The following NOSTRIN variants were observed in gnomAD, a reference collection of about 807,000 sequenced individuals.
NOSTRIN encodes BM247 homolog.
In NOSTRIN, 63 loss-of-function variants were observed where a neutral mutation model predicts 59.0. The ratio of observed to expected loss-of-function variants is 1.07; its 90% CI spans 0.87 to 1.32. The LOEUF (loss-of-function observed/expected upper bound fraction) is 1.32, where lower values mean the gene tolerates loss of function less well. Ranked by LOEUF, NOSTRIN falls within the 40% of genes most tolerant of loss-of-function variation. The pLI, the probability that NOSTRIN is intolerant of heterozygous loss-of-function variation, is 0.00. For missense variants in NOSTRIN, 512 were observed against 473.1 expected (o/e 1.08, Z -0.76); for synonymous variants, 200 against 165.4 (o/e 1.21, Z -1.61).
chr2:168,860,971 T>C, intron 14 of NOSTRIN, 62 bp downstream of exon 14: 1 of 1,061,944 alleles, frequency 9.4e-7, no homozygotes, highest in Non-Finnish European at 1.5e-6. Context: ...TTGCTACATT[T>C]AAATTTTAGT....
chr2:168,825,045 C>G (rs1007599099), intron 3 of NOSTRIN, among the ~76,000 whole-genome samples: 1 of 152,176 alleles, frequency 6.6e-6, no homozygotes, highest in Non-Finnish European at 1.5e-5. Context: ...ATGTGTGAGC[C>G]ACCACACCCA....
At chr2:168,819,541 C>T (rs971373173) in intron 2 of NOSTRIN, among the ~76,000 whole-genome samples, 2 of 152,112 alleles carry the variant, frequency 1.3e-5, no homozygotes, top group Non-Finnish European at 2.9e-5. Context: ...AGCCGTTCAG[C>T]GCTAGAGGCC....
At chr2:168,841,883 G>A (rs181597971) in intron 7 of NOSTRIN, among the ~76,000 whole-genome samples, 1 of 152,316 alleles carries the variant, frequency 6.6e-6, no homozygotes, top group East Asian at 1.9e-4. Context: ...GGACATCCAT[G>A]TACAAATATT....
chr2:168,831,379 A>C (rs925197245), intron 5 of NOSTRIN, 93 bp from the exon 6 acceptor site: 11 of 725,834 alleles, frequency 1.5e-5, no homozygotes, highest in African/African-American at 1.7e-5. Context: ...ATAGGTTTCA[A>C]TCGATACATT....
intron 3 of NOSTRIN, among the ~76,000 whole-genome samples, chr2:168,826,632 C>T (rs1397031188): frequency 6.6e-6 from 1 of 152,192 alleles, no homozygotes; most frequent in Non-Finnish European, 1.5e-5. Flanking sequence ...AGGCCACATG[C>T]TTGGTTCCTG....
In NOSTRIN at chr2:168,864,987, T is replaced by G; in HGVS notation, c.*17T>G. 1.2e-6 allele frequency: 2 copies of G among 1,613,350 alleles called. No homozygotes were observed. Among genetic ancestry groups the G allele is most frequent in the Non-Finnish European group, 1.7e-6 (2 of 1,179,736 alleles). ...AAGGCATAAAACAAGACTCTGAACA[T>G]ACTACCTTCACACTCGGTAATCAAC... On this transcript the variant is annotated 3_prime_UTR_variant, in exon 16 of 16. Coordinates refer to ENST00000317647, the MANE Select transcript of NOSTRIN (RefSeq NM_001039724.4).
chr2:168,837,300 CT>C (rs761309524), intron 7 of NOSTRIN, among the ~76,000 whole-genome samples: 773 of 62,154 alleles, frequency 0.012, no homozygotes, highest in African/African-American at 0.039. Flanking sequence ...TTTTTAACAT[CT>C]TTTTTTTTTT....
At chr2:168,851,244 T>C (rs1168600994) in intron 9 of NOSTRIN, 35 bp from the exon 10 acceptor site, 1 of 1,614,000 alleles carries the variant, frequency 6.2e-7, no homozygotes, top group African/African-American at 1.3e-5. Context: ...AAACCTTTCT[T>C]CGACAACCTT....
At chr2:168,854,520 T>G (rs1400513359) in intron 10 of NOSTRIN, among the ~76,000 whole-genome samples, 2 of 152,240 alleles carry the variant, frequency 1.3e-5, no homozygotes, top group Non-Finnish European at 2.9e-5. Context: ...ATATCATGAA[T>G]GATTCCTCAT....
upstream of NOSTRIN, among the ~76,000 whole-genome samples, chr2:168,797,605 A>T (rs566104211): frequency 1.3e-5 from 2 of 152,204 alleles, no homozygotes; most frequent in Admixed American, 6.5e-5. Flanking sequence ...AGAGATACAA[A>T]AATAACATGT....
At chr2:168,797,671 C>T (rs1217224598), upstream of NOSTRIN, among the ~76,000 whole-genome samples, 3 of 103,642 alleles carry the variant, frequency 2.9e-5, no homozygotes, top group African/African-American at 1.3e-4. Flanking sequence ...AAGTGTTAAC[C>T]TTAAATTTTT....
chr2:168,828,762 A>C (rs830021), intron 5 of NOSTRIN, among the ~76,000 whole-genome samples: 100,501 of 151,986 alleles, frequency 0.66, 33,925 homozygotes, highest in East Asian at 0.87. Flanking sequence ...AATTGTGATA[A>C]ATTCAAGCAA....
chr2:168,861,484 TAAAA>T (rs79373488), intron 14 of NOSTRIN, among the ~76,000 whole-genome samples: 18 of 141,828 alleles, frequency 1.3e-4, no homozygotes, highest in Non-Finnish European at 1.1e-4. Flanking sequence ...GAAATTGGTT[TAAAA>T]AAAAAAAAAA....
Position 168,790,793 on chromosome 2 carries a change from T to G in NOSTRIN, c.-473+2745T>G, listed in dbSNP as rs1574245030. ...TAGTAGTGATGAATCCATTTCAATT[T>G]CCTGCTTTTGATGGTTGTATTTTGG... On this transcript the variant is annotated intron_variant, in intron 2 of 20. Transcript: ENST00000458381. Among the ~76,000 whole-genome samples the G allele has an allele frequency of 2.0e-5, 3 of 152,328 alleles. No homozygotes were observed. The South Asian group carries it at 6.2e-4, about 32-fold the overall frequency.
rs529468205 is a variant in NOSTRIN at position 168,824,829 on chromosome 2, T to C, written c.197+112T>C. The C allele has an allele frequency of 1.4e-4, 91 of 646,558 alleles. No individual in the cohort carries two copies. In the African/African-American group the frequency reaches 1.5e-3, roughly 11 times the overall value. The allele number at this position is 646,558 out of a possible 1,614,324, so 40.1% of individuals were successfully genotyped here. A position where few individuals can be genotyped will look rare whatever the true frequency, so the allele number is the denominator to read the frequency against. On this transcript the variant is annotated intron_variant, in intron 3 of 15. Transcript: ENST00000317647. ...TCTTGCTCTGTTACCTGGGTTAGAGTGCAGTGGCACAATCACAGCTCACTG... is the reference window on the plus strand; with the variant it reads ...TCTTGCTCTGTTACCTGGGTTAGAGCGCAGTGGCACAATCACAGCTCACTG...
At chr2:168,863,463 G>A in intron 15 of NOSTRIN, 4 of 985,326 alleles carry the variant, frequency 4.1e-6, no homozygotes, top group Non-Finnish European at 4.8e-6. Flanking sequence ...CTTGGATCCT[G>A]ACGGGGGCAG....
At chr2:168,801,027 G>A (rs1685599281), upstream of NOSTRIN, 1 of 151,748 alleles carries the variant, frequency 6.6e-6, no homozygotes, top group Admixed American at 6.6e-5. Flanking sequence ...TTACAGGTGT[G>A]TGCCACTGTG....
intron 10 of NOSTRIN, among the ~76,000 whole-genome samples, 154 bp from the exon 11 acceptor site, chr2:168,855,198 C>T (rs981528041): frequency 6.6e-6 from 1 of 152,026 alleles, no homozygotes; most frequent in African/African-American, 2.4e-5. Context: ...ACAGGTAGAA[C>T]AATGTGTGTA....
chr2:168,864,785 G>A, intron 15 of NOSTRIN, 49 bp from the exon 16 acceptor site: 4 of 1,605,194 alleles, frequency 2.5e-6, no homozygotes, highest in Non-Finnish European at 3.4e-6. Context: ...TCGGGCTGAG[G>A]CATGTGTTCA....
Sources: allele counts gnomAD v4.1 joint callset (sites outside exome capture counted in the v4.1 genomes callset), GRCh38; gene constraint gnomAD v4.1.1; transcripts MANE v1.5; gene names NCBI Gene and HGNC (gene_info 2026-07-23, HGNC 2026-07-21).